Variants in ZFAT observed in about 807,000 individuals in gnomAD.
The protein encoded by ZFAT is zinc finger protein ZFAT.
In ZFAT, 64 loss-of-function variants were observed where a neutral mutation model predicts 117.7. The observed-to-expected ratio is 0.54, with a 90% CI of 0.44 to 0.67. ZFAT has a LOEUF of 0.67. Ranked by LOEUF, ZFAT falls within the 30% of genes least tolerant of loss-of-function variation. ZFAT has a pLI of 0.00. For synonymous variants in ZFAT, 679 were observed against 615.0 expected (o/e 1.10, Z -1.54); for missense variants, 1,433 against 1,584.5 (o/e 0.90, Z 1.62).
intron 10 of ZFAT, among the ~76,000 whole-genome samples, chr8:134,576,426 C>T (rs1021171830): frequency 1.3e-5 from 2 of 152,138 alleles, no homozygotes; most frequent in African/African-American, 4.8e-5. Flanking sequence ...CATGTTCATC[C>T]AGTAGCCACA....
the ZFAT span, among the ~76,000 whole-genome samples, chr8:134,756,492 C>A: frequency 6.6e-6 from 1 of 152,250 alleles, no homozygotes; most frequent in African/African-American, 2.4e-5. Context: ...TTCTCCAGCA[C>A]GGTGCTGTTT....
At position 134,532,843 on chromosome 8, in the gene ZFAT, T is replaced by C. The variant is rs1821522698; in HGVS notation, c.3106A>G (p.Ile1036Val). 1 of 1,610,406 alleles carries C rather than the reference T, an allele frequency of 6.2e-7. No homozygotes were observed. Among genetic ancestry groups the C allele is most frequent in the Non-Finnish European group, 8.5e-7 (1 of 1,178,542 alleles). Residue 1036 changes from isoleucine (I) to valine (V), a missense_variant, in exon 12 of 16, where the codon ATC becomes GTC. By Grantham distance (29) the Ile-to-Val change is conservative. Coordinates refer to ENST00000377838, the MANE Select transcript of ZFAT (RefSeq NM_020863.4). ...GTGELAAEVL[I>V]QQGGLKCPVC... ...CTGGCCCCTCGCCTACCTTGCTGGA[T>C]GAGCACCTCCGCTGCCAGCTCCCCG... is the stretch of plus-strand genomic sequence containing the variant.
chr8:134,790,649 G>A, the ZFAT span, among the ~76,000 whole-genome samples: 31,720 of 151,994 alleles, frequency 0.21, 3,589 homozygotes, highest in African/African-American at 0.26. Context: ...TATGTATATT[G>A]GATCTTCCAT....
the ZFAT span, among the ~76,000 whole-genome samples, chr8:134,748,626 A>G: frequency 6.6e-6 from 1 of 152,214 alleles, no homozygotes; most frequent in African/African-American, 2.4e-5. Context: ...ATTCAACTTC[A>G]CTATACAACG....
intron 9 of ZFAT, among the ~76,000 whole-genome samples, chr8:134,585,860 T>C (rs1019385451): frequency 6.6e-6 from 1 of 152,206 alleles, no homozygotes. Flanking sequence ...TTAGGAAACC[T>C]TGAACAAAGT....
intron 12 of ZFAT, among the ~76,000 whole-genome samples, chr8:134,525,073 C>G (rs1820927373): frequency 6.6e-6 from 1 of 152,216 alleles, no homozygotes; most frequent in Non-Finnish European, 1.5e-5. Flanking sequence ...TTAACCCCAG[C>G]CTTTGCTATT....
At chr8:134,786,060 A>C in the ZFAT span, among the ~76,000 whole-genome samples, 1 of 152,222 alleles carries the variant, frequency 6.6e-6, no homozygotes, top group Non-Finnish European at 1.5e-5. Context: ...ACACTTTCAA[A>C]CACACTGAAG....
chr8:134,715,228 C>G (rs977039407), upstream of ZFAT, among the ~76,000 whole-genome samples: 1 of 152,194 alleles, frequency 6.6e-6, no homozygotes, highest in South Asian at 2.1e-4. Flanking sequence ...AAATTTGTCT[C>G]AAAACCCAAT....
At chr8:134,754,512 G>A in the ZFAT span, among the ~76,000 whole-genome samples, 3 of 152,318 alleles carry the variant, frequency 2.0e-5, no homozygotes, top group East Asian at 5.8e-4. Context: ...TCCAACTCCA[G>A]GACTGCCCCT....
chr8:134,712,135 G>C (rs1472061518), intron 1 of ZFAT, among the ~76,000 whole-genome samples: 1 of 152,222 alleles, frequency 6.6e-6, no homozygotes, highest in African/African-American at 2.4e-5. Flanking sequence ...GAGCACGCAG[G>C]AGTTTGGATT....
At chr8:134,659,475 C>G (rs4909595) in intron 1 of ZFAT, among the ~76,000 whole-genome samples, 36,806 of 152,108 alleles carry the variant, frequency 0.24, 4,758 homozygotes, top group East Asian at 0.4. Context: ...TCATTACTTT[C>G]AAATTCTCTA....
chr8:134,647,079 A>C (rs963639502), intron 2 of ZFAT, among the ~76,000 whole-genome samples: 2 of 152,222 alleles, frequency 1.3e-5, no homozygotes, highest in East Asian at 3.8e-4. Flanking sequence ...ACTACAAAAA[A>C]AGAAAATTAC....
intron 13 of ZFAT, among the ~76,000 whole-genome samples, chr8:134,514,020 G>T (rs1298407127): frequency 6.6e-6 from 1 of 152,260 alleles, no homozygotes; most frequent in East Asian, 1.9e-4. Context: ...CAACCTGAAA[G>T]GTTCCTCCTC....
chr8:134,492,006 TTTTTTG>T (rs772068128), intron 15 of ZFAT, among the ~76,000 whole-genome samples: 10 of 150,604 alleles, frequency 6.6e-5, no homozygotes, highest in East Asian at 1.9e-4. Flanking sequence ...ACACTAGAGT[TTTTTTG>T]TTTTTGTTTT....
the ZFAT span, among the ~76,000 whole-genome samples, chr8:134,753,083 C>T: frequency 6.6e-6 from 1 of 152,142 alleles, no homozygotes; most frequent in African/African-American, 2.4e-5. Context: ...TAAAAAACTA[C>T]CTATTTTTTC....
At chr8:134,780,275 C>A in the ZFAT span, among the ~76,000 whole-genome samples, 1 of 152,192 alleles carries the variant, frequency 6.6e-6, no homozygotes, top group Non-Finnish European at 1.5e-5. Flanking sequence ...CTAGAGGCAA[C>A]CAGTGTGAAT....
the ZFAT span, among the ~76,000 whole-genome samples, chr8:134,748,087 GA>G: frequency 6.6e-6 from 1 of 152,164 alleles, no homozygotes; most frequent in African/African-American, 2.4e-5. Flanking sequence ...ATATTACTTA[GA>G]CAAGTGCATA....
chr8:134,489,493 C>T (rs959449584), intron 15 of ZFAT, among the ~76,000 whole-genome samples: 1 of 152,148 alleles, frequency 6.6e-6, no homozygotes, highest in East Asian at 1.9e-4. Flanking sequence ...CCTTGCTCCT[C>T]TCCTGGGCCA....
At chr8:134,752,326 C>A in the ZFAT span, among the ~76,000 whole-genome samples, 6 of 152,204 alleles carry the variant, frequency 3.9e-5, no homozygotes, top group Non-Finnish European at 7.3e-5. Context: ...CCTACATGTG[C>A]CAGCCTCTGC....
Sources: allele counts gnomAD v4.1 joint callset (sites outside exome capture counted in the v4.1 genomes callset), GRCh38; gene constraint gnomAD v4.1.1; transcripts MANE v1.5; gene names NCBI Gene and HGNC (gene_info 2026-07-23, HGNC 2026-07-21).